The following CBFA2T3 variants were observed in gnomAD, a reference collection of about 807,000 sequenced individuals.
CBFA2T3 encodes the protein transcriptional corepressor CBFA2T3.
CBFA2T3 carries 31 observed loss-of-function variants against 58.6 expected under a neutral mutation model. The observed-to-expected ratio is 0.53, with a 90% confidence interval of 0.40 to 0.71. The LOEUF (loss-of-function observed/expected upper bound fraction) is 0.71. Ranked by LOEUF, CBFA2T3 falls within the 30% of genes least tolerant of loss-of-function variation. The pLI, the probability that CBFA2T3 is intolerant of heterozygous loss-of-function variation, is 0.00. For missense variants in CBFA2T3, 1,076 were observed against 963.1 expected (o/e 1.12, Z -1.55); for synonymous variants, 531 against 421.9 (o/e 1.26, Z -3.17).
intron 1 of CBFA2T3, among the ~76,000 whole-genome samples, chr16:88,906,382 A>G (rs528310193): frequency 3.3e-5 from 5 of 152,342 alleles, no homozygotes; most frequent in Non-Finnish European, 7.4e-5. Flanking sequence ...CCACACAGGA[A>G]GAGGCCTGGC....
chr16:88,952,374 G>C (rs1972096594), intron 1 of CBFA2T3, among the ~76,000 whole-genome samples: 1 of 151,502 alleles, frequency 6.6e-6, no homozygotes. Context: ...CCAGGCCACA[G>C]GGTGAGGGAG....
chr16:88,949,293 T>G (rs1433126211), intron 1 of CBFA2T3, among the ~76,000 whole-genome samples: 2 of 152,296 alleles, frequency 1.3e-5, no homozygotes, highest in East Asian at 3.9e-4. Flanking sequence ...GCGCGGCGCC[T>G]CACACCTGTA....
chr16:88,903,691 T>TG (rs199576024), intron 1 of CBFA2T3, among the ~76,000 whole-genome samples: 608 of 37,200 alleles, frequency 0.016, 29 homozygotes, highest in African/African-American at 0.057. Flanking sequence ...GGGGCATTCC[T>TG]GGGGGGGGCG....
chr16:88,945,984 C>A (rs1055171366), intron 1 of CBFA2T3, among the ~76,000 whole-genome samples: 4 of 152,138 alleles, frequency 2.6e-5, no homozygotes, highest in African/African-American at 9.7e-5. Context: ...TTATCCATGA[C>A]AAAAGTAGTG....
At chr16:88,974,466 C>G (rs1250184768) in intron 1 of CBFA2T3, among the ~76,000 whole-genome samples, 1 of 152,054 alleles carries the variant, frequency 6.6e-6, no homozygotes, top group African/African-American at 2.4e-5. Context: ...CCCCAGGACG[C>G]TGTCAGAGGA....
intron 1 of CBFA2T3, among the ~76,000 whole-genome samples, chr16:88,915,405 TGG>T (rs1471341974): frequency 3.2e-4 from 5 of 15,630 alleles, no homozygotes; most frequent in Non-Finnish European, 5.1e-4. Flanking sequence ...GGGGGGAGCG[TGG>T]AGGGGGGAGC....
chr16:88,925,229 C>T lies in CBFA2T3; in HGVS notation c.152-23573G>A, dbSNP rs532610. Among the ~76,000 whole-genome samples the T allele has an allele frequency of 4.2e-3, 640 of 152,352 alleles. 8 individuals carry two copies. Among genetic ancestry groups the T allele is most frequent in the African/African-American group, 0.014 (598 of 41,570 alleles). ...CCCAGCCCCCGGCCTTGGGAAGGTG[C>T]CAGGCAGGCAGATGGGCCGGGCTTG... On this transcript the variant is annotated intron_variant, in intron 1 of 11. Coordinates refer to ENST00000268679, the MANE Select transcript of CBFA2T3 (RefSeq NM_005187.6).
chr16:88,953,455 A>G lies in CBFA2T3; in HGVS notation c.151+23202T>C, dbSNP rs924932976. Among the ~76,000 whole-genome samples the G allele has an allele frequency of 8.5e-5, 13 of 152,152 alleles. No individual in the cohort carries two copies. Among genetic ancestry groups the G allele is most frequent in the Admixed American group, 2.6e-4 (4 of 15,276 alleles). On this transcript the variant is annotated intron_variant, in intron 1 of 11. Transcript: ENST00000268679. The surrounding 1 kb of genome is among the most constrained non-coding windows in gnomAD (Gnocchi z 4.9). ...CAGCATAGCCCTCAAAACGGTTCCC[A>G]CAGCTCCCAGCGGAGCCCTCAAAAT...
intron 1 of CBFA2T3, among the ~76,000 whole-genome samples, chr16:88,934,825 T>C (rs1392293874): frequency 4.6e-5 from 7 of 152,278 alleles, no homozygotes; most frequent in South Asian, 2.1e-4. Context: ...CTGCAAGCTC[T>C]GCCTCCCGGG....
intron 2 of CBFA2T3, among the ~76,000 whole-genome samples, chr16:88,900,420 C>A (rs1567592510): frequency 6.6e-6 from 1 of 152,244 alleles, no homozygotes; most frequent in Non-Finnish European, 1.5e-5. Flanking sequence ...GAGCAGGCCC[C>A]CAGCCTCAGC....
At chr16:88,913,179 G>A (rs930599225) in intron 1 of CBFA2T3, among the ~76,000 whole-genome samples, 1 of 152,350 alleles carries the variant, frequency 6.6e-6, no homozygotes, top group African/African-American at 2.4e-5. Flanking sequence ...GAGCCTGGAC[G>A]TCAGCGGCGG....
At position 88,892,387 on chromosome 16, in the gene CBFA2T3, A is replaced by G. The variant is rs1969672083; in HGVS notation, c.478T>C (p.Leu160=). Residue 160 remains leucine (L), a synonymous_variant, in exon 4 of 12, where the codon TTG becomes CTG. Transcript: ENST00000268679. ...GCTGGGGGCAGGTGCTGTGTGGACA[A>G]GGAGGCTGTGGACGAGGTGGCCGGG... ...NGPATSSTAS[L]STQHLPPACG... 8 of 1,613,428 alleles carry G rather than the reference A, an allele frequency of 5.0e-6. No homozygotes were observed. The highest frequency in any genetic ancestry group is 6.8e-6 in the Non-Finnish European group (8 of 1,180,002).
At chr16:88,941,580 A>AGAGGGGAGAGGGGCGCG (rs1555542507) in intron 1 of CBFA2T3, among the ~76,000 whole-genome samples, 3 of 146,692 alleles carry the variant, frequency 2.0e-5, no homozygotes, top group South Asian at 2.1e-4. Flanking sequence ...CGCCGGGAGC[A>AGAGGGGAGAGGGGCGCG]GGGAGAGGGG....
At chr16:88,967,894 C>A (rs1056857423) in intron 1 of CBFA2T3, among the ~76,000 whole-genome samples, 5 of 152,244 alleles carry the variant, frequency 3.3e-5, no homozygotes, top group African/African-American at 1.2e-4. Flanking sequence ...CGCCCACCCT[C>A]CCTTGCAGCC....
intron 8 of CBFA2T3, among the ~76,000 whole-genome samples, chr16:88,882,405 G>C (rs1471556146): frequency 6.6e-6 from 1 of 151,470 alleles, no homozygotes; most frequent in Non-Finnish European, 1.5e-5. Context: ...GTGTGTGTGG[G>C]TGTGGCTGTG....
intron 1 of CBFA2T3, among the ~76,000 whole-genome samples, chr16:88,921,794 T>G (rs1457303850): frequency 1.3e-5 from 2 of 152,244 alleles, no homozygotes. Context: ...TTGAAGTTGC[T>G]TCCTCGGCGG....
At chr16:88,971,895 C>T (rs1972665398) in intron 1 of CBFA2T3, among the ~76,000 whole-genome samples, 1 of 152,232 alleles carries the variant, frequency 6.6e-6, no homozygotes, top group African/African-American at 2.4e-5. Flanking sequence ...CCGGAAAACC[C>T]CTGCCCAGCG....
chr16:88,884,390 G>A (rs747822873), intron 7 of CBFA2T3, among the ~76,000 whole-genome samples: 1 of 152,242 alleles, frequency 6.6e-6, no homozygotes, highest in Non-Finnish European at 1.5e-5. Flanking sequence ...TGGGTTCTCA[G>A]CACAGAGGCC....
chr16:88,961,836 C>T (rs1325253287), intron 1 of CBFA2T3, among the ~76,000 whole-genome samples: 1 of 142,048 alleles, frequency 7.0e-6, no homozygotes, highest in Non-Finnish European at 1.5e-5. Context: ...AACCGACACT[C>T]AGCGCTGGAC....
Sources: gnomAD v4.1 joint callset for allele counts (sites outside exome capture counted in the v4.1 genomes callset) on GRCh38, gnomAD v4.1.1 for gene constraint, Gnocchi (gnomAD v3.1) non-coding constraint, MANE v1.5 for transcripts, NCBI Gene and HGNC (gene_info 2026-07-23, HGNC 2026-07-21) for gene names.